The following ZBTB20 variants were observed in gnomAD, a reference collection of about 807,000 sequenced individuals.
ZBTB20 encodes the protein zinc finger and BTB domain containing 20.
Under a neutral mutation model 56.9 loss-of-function variants are expected in ZBTB20, and 9 were observed. The ratio of observed to expected loss-of-function variants is 0.16; its 90% CI spans 0.10 to 0.28. ZBTB20 has a LOEUF of 0.28. Ranked by LOEUF, ZBTB20 falls within the 10% of genes least tolerant of loss-of-function variation. The pLI is 1.00. For missense variants in ZBTB20, 655 were observed against 1,003.0 expected, an observed-to-expected ratio of 0.65 and a Z score of 4.69; for synonymous variants, 417 against 420.7, an observed-to-expected ratio of 0.99 and a Z score of 0.11.
At chr3:114,867,979 A>G (rs1297677583) in intron 4 of ZBTB20, among the ~76,000 whole-genome samples, 1 of 152,142 alleles carries the variant, frequency 6.6e-6, no homozygotes, top group Non-Finnish European at 1.5e-5. Context: ...TTGTTTAGTT[A>G]GATTTGGGGC....
chr3:115,040,375 G>A (rs1288072996), intron 2 of ZBTB20, among the ~76,000 whole-genome samples: 1 of 152,088 alleles, frequency 6.6e-6, no homozygotes, highest in Non-Finnish European at 1.5e-5. Flanking sequence ...TGCTCTGGGA[G>A]CACACTGGAA....
chr3:114,827,901 C>T (rs1019863042), intron 4 of ZBTB20, among the ~76,000 whole-genome samples: 2 of 151,608 alleles, frequency 1.3e-5, no homozygotes, highest in African/African-American at 4.8e-5. Flanking sequence ...GTGTAATTTC[C>T]TTGTTTCTAC....
chr3:114,840,897 GA>G (rs1304694327), intron 4 of ZBTB20, among the ~76,000 whole-genome samples: 21 of 152,024 alleles, frequency 1.4e-4, no homozygotes, highest in African/African-American at 5.1e-4. Flanking sequence ...AAATTTTCAA[GA>G]ACCGATCTTT....
intron 2 of ZBTB20, among the ~76,000 whole-genome samples, chr3:115,034,335 C>G (rs528969271): frequency 1.3e-5 from 2 of 151,320 alleles, no homozygotes; most frequent in African/African-American, 4.8e-5. Flanking sequence ...AAAACATATT[C>G]CACAATTTCC....
intron 4 of ZBTB20, among the ~76,000 whole-genome samples, chr3:114,830,657 A>C (rs575828762): frequency 3.3e-5 from 5 of 152,150 alleles, no homozygotes; most frequent in African/African-American, 1.2e-4. Context: ...TGGATGAGGA[A>C]ACTGGGACTC....
At chr3:114,382,570 G>A (rs1399378453) in intron 8 of ZBTB20, among the ~76,000 whole-genome samples, 2 of 152,012 alleles carry the variant, frequency 1.3e-5, no homozygotes, top group Non-Finnish European at 2.9e-5. Context: ...CTTATTAAAT[G>A]GTGTCTTCAT....
chr3:114,535,835 A>G (rs2048400542), intron 6 of ZBTB20, among the ~76,000 whole-genome samples: 1 of 152,248 alleles, frequency 6.6e-6, no homozygotes, highest in Non-Finnish European at 1.5e-5. Flanking sequence ...ATGATGGTTC[A>G]ACATACACAA....
intron 5 of ZBTB20, among the ~76,000 whole-genome samples, chr3:114,788,675 T>C (rs547149857): frequency 1.1e-4 from 16 of 152,306 alleles, no homozygotes; most frequent in African/African-American, 3.1e-4. Context: ...TCTGACACTC[T>C]TTAGGAATAT....
chr3:114,582,954 A>G (rs370377445), intron 6 of ZBTB20, among the ~76,000 whole-genome samples: 126 of 152,368 alleles, frequency 8.3e-4, no homozygotes, highest in South Asian at 1.5e-3. Flanking sequence ...TTGTTGATAT[A>G]GACAGATGCT....
chr3:115,012,030 T>C (rs923159088), intron 2 of ZBTB20, among the ~76,000 whole-genome samples: 3 of 151,776 alleles, frequency 2.0e-5, no homozygotes, highest in Non-Finnish European at 2.9e-5. Flanking sequence ...GATGCAAGCT[T>C]TGTGGTAACT....
chr3:114,605,166 TTAA>T (rs1205132910), intron 6 of ZBTB20, among the ~76,000 whole-genome samples: 2 of 152,058 alleles, frequency 1.3e-5, no homozygotes, highest in Admixed American at 6.6e-5. Context: ...TGCATTATAA[TTAA>T]TAATAAATGT....
intron 5 of ZBTB20, among the ~76,000 whole-genome samples, chr3:114,729,643 C>T (rs570595154): frequency 3.3e-5 from 5 of 152,028 alleles, no homozygotes; most frequent in South Asian, 2.1e-4. Context: ...AGGTCTAGTA[C>T]GTAAGTAAAT....
intron 2 of ZBTB20, among the ~76,000 whole-genome samples, chr3:115,003,741 A>T (rs1175514986): frequency 1.3e-5 from 2 of 151,680 alleles, no homozygotes; most frequent in Non-Finnish European, 3.0e-5. Flanking sequence ...GTCAGGTGAC[A>T]GGCATGTTTC....
At chr3:115,086,070 G>C (rs1187749823) in intron 1 of ZBTB20, among the ~76,000 whole-genome samples, 4 of 151,712 alleles carry the variant, frequency 2.6e-5, no homozygotes, top group African/African-American at 4.8e-5. Context: ...TGTTTACTTT[G>C]GTAGGGCATT....
chr3:115,127,501 C>G (rs751052246), intron 1 of ZBTB20, among the ~76,000 whole-genome samples: 21 of 151,952 alleles, frequency 1.4e-4, no homozygotes, highest in Non-Finnish European at 3.1e-4. Flanking sequence ...GGCTGAGGCA[C>G]AAAAATCACT....
At chr3:114,922,645 T>G (rs375826172) in intron 3 of ZBTB20, among the ~76,000 whole-genome samples, 1 of 152,192 alleles carries the variant, frequency 6.6e-6, no homozygotes, top group East Asian at 1.9e-4. Flanking sequence ...CTTTTCCGGA[T>G]GTACAAGAAG....
chr3:114,587,758 C>A (rs765669050), intron 6 of ZBTB20, among the ~76,000 whole-genome samples: 1 of 152,162 alleles, frequency 6.6e-6, no homozygotes, highest in Non-Finnish European at 1.5e-5. Context: ...CCTCCAGAAG[C>A]CTTTTCTCTC....
At chr3:114,392,379 C>G (rs1452768248) in intron 7 of ZBTB20, among the ~76,000 whole-genome samples, 1 of 152,180 alleles carries the variant, frequency 6.6e-6, no homozygotes, top group African/African-American at 2.4e-5. Context: ...ATCAAAACAT[C>G]TCATGTACCC....
chr3:115,082,931 T>C lies in ZBTB20; in HGVS notation c.-702-11517A>G, dbSNP rs200636668. Among the ~76,000 whole-genome samples, 7 of 152,172 alleles carry C rather than the reference T, an allele frequency of 4.6e-5. No homozygotes were observed. The East Asian group carries it at 5.8e-4, about 13-fold the overall frequency. Reference sequence around the variant, plus strand: ...AAACTTTACTCTGACCATAAGGTAATAGCACACTACATTTCAAAGTCAAAC... The same window carrying C: ...AAACTTTACTCTGACCATAAGGTAACAGCACACTACATTTCAAAGTCAAAC... On this transcript the variant is annotated intron_variant, in intron 1 of 11. Coordinates refer to ENST00000675478, the MANE Select transcript of ZBTB20 (RefSeq NM_001348800.3).
Sources: allele counts gnomAD v4.1 joint callset (sites outside exome capture counted in the v4.1 genomes callset), GRCh38; gene constraint gnomAD v4.1.1; transcripts MANE v1.5; gene names NCBI Gene and HGNC (gene_info 2026-07-23, HGNC 2026-07-21).